Variants in RNF13 observed in about 807,000 individuals in gnomAD.
RNF13 encodes the protein E3 ubiquitin-protein ligase RNF13.
A neutral mutation model predicts 37.7 loss-of-function variants in RNF13; 19 were observed. The observed-to-expected ratio is 0.50, with a 90% CI of 0.35 to 0.74. The LOEUF (loss-of-function observed/expected upper bound fraction) is 0.74. RNF13 is among the 30% of genes least tolerant of loss of function. RNF13 has a pLI of 0.01. For missense variants in RNF13, 375 were observed against 453.0 expected, an observed-to-expected ratio of 0.83 and a Z score of 1.56; for synonymous variants, 144 against 157.8, an observed-to-expected ratio of 0.91 and a Z score of 0.65.
chr3:149,845,719 T>G (rs1722581749), intron 1 of RNF13: 1 of 196,654 alleles, frequency 5.1e-6, no homozygotes, highest in East Asian at 1.2e-4. Context: ...AAATTTGGGT[T>G]AGTAAGACAA....
intron 5 of RNF13, among the ~76,000 whole-genome samples, chr3:149,899,819 C>T (rs192128713): frequency 4.9e-4 from 75 of 152,262 alleles, no homozygotes; most frequent in African/African-American, 1.8e-3. Context: ...AGATGAGAAA[C>T]AGAGTTGATC....
intron 6 of RNF13, among the ~76,000 whole-genome samples, chr3:149,910,289 A>G (rs1716860495): frequency 6.6e-6 from 1 of 152,170 alleles, no homozygotes; most frequent in African/African-American, 2.4e-5. Context: ...TCTTTTTTAC[A>G]CTGATGATAT....
intron 8 of RNF13, among the ~76,000 whole-genome samples, chr3:149,958,308 T>G (rs1048023076): frequency 3.9e-5 from 6 of 152,168 alleles, no homozygotes; most frequent in Non-Finnish European, 7.3e-5. Flanking sequence ...AGAATCCATT[T>G]CCTTACCTTT....
chr3:149,835,632 ATT>A (rs1491185281), intron 1 of RNF13, among the ~76,000 whole-genome samples: 4 of 84,550 alleles, frequency 4.7e-5, no homozygotes, highest in Non-Finnish European at 1.0e-4. Flanking sequence ...GTAGTATTCC[ATT>A]GTGTGTGTGT....
intron 1 of RNF13, among the ~76,000 whole-genome samples, chr3:149,834,925 C>G (rs1402686130): frequency 6.6e-6 from 1 of 152,202 alleles, no homozygotes; most frequent in East Asian, 1.9e-4. Context: ...GCATTGTACA[C>G]AGTCTCTTCT....
At chr3:149,889,681 G>A (rs1190338319) in intron 4 of RNF13, among the ~76,000 whole-genome samples, 9 of 144,350 alleles carry the variant, frequency 6.2e-5, no homozygotes, top group African/African-American at 2.3e-4. Context: ...TTGAGATGGA[G>A]TCTCGCTCTG....
At chr3:149,871,029 T>TA (rs1397623385) in intron 3 of RNF13, among the ~76,000 whole-genome samples, 2 of 151,112 alleles carry the variant, frequency 1.3e-5, no homozygotes, top group Non-Finnish European at 3.0e-5. Context: ...TTTAGTCTGT[T>TA]ACCAGATTTT....
chr3:149,959,225 G>T (rs1014367973), intron 8 of RNF13, among the ~76,000 whole-genome samples: 1 of 152,132 alleles, frequency 6.6e-6, no homozygotes, highest in East Asian at 1.9e-4. Context: ...AAAAGCTGCT[G>T]TATTTAAAAA....
intron 4 of RNF13, among the ~76,000 whole-genome samples, chr3:149,874,020 A>G (rs867790022): frequency 2.0e-5 from 3 of 152,200 alleles, no homozygotes; most frequent in South Asian, 2.1e-4. Context: ...TACATATGAA[A>G]AACATGGAAG....
intron 8 of RNF13, among the ~76,000 whole-genome samples, chr3:149,928,985 G>A (rs1260693455): frequency 6.6e-6 from 1 of 152,030 alleles, no homozygotes; most frequent in African/African-American, 2.4e-5. Flanking sequence ...TTCATTGCTG[G>A]TGTGGAGAAA....
intron 1 of RNF13, among the ~76,000 whole-genome samples, chr3:149,836,169 G>C (rs1177221404): frequency 6.6e-6 from 1 of 152,066 alleles, no homozygotes; most frequent in African/African-American, 2.4e-5. Context: ...TATTTTGTTT[G>C]TTGGCTATTT....
Position 149,853,399 on chromosome 3 carries a change from T to A in RNF13, c.195+803T>A, listed in dbSNP as rs576555193. On this transcript the variant is annotated intron_variant, in intron 3 of 9. Coordinates refer to ENST00000392894, the MANE Select transcript of RNF13 (RefSeq NM_183381.3). ...TATCAAACTTTTGCTAATTTGATTT[T>A]AAAAAATCTAATGAACTTAAACATA... is the stretch of plus-strand genomic sequence containing the variant. Among the ~76,000 whole-genome samples the A allele has an allele frequency of 1.4e-4, 21 of 151,536 alleles. No individual in the cohort carries two copies. The East Asian group carries it at 4.1e-3, about 29-fold the overall frequency.
At chr3:149,893,550 T>C (rs1714938065) in intron 4 of RNF13, among the ~76,000 whole-genome samples, 1 of 152,238 alleles carries the variant, frequency 6.6e-6, no homozygotes, top group African/African-American at 2.4e-5. Context: ...GAGTATACTT[T>C]TGTTTAAATA....
intron 7 of RNF13, among the ~76,000 whole-genome samples, chr3:149,920,327 C>G (rs186053544): frequency 2.2e-4 from 34 of 152,216 alleles, no homozygotes; most frequent in African/African-American, 7.7e-4. Flanking sequence ...CCTTGACATC[C>G]TGGGCTCAAA....
At chr3:149,823,211 C>T (rs1720163947) in intron 1 of RNF13, among the ~76,000 whole-genome samples, 1 of 152,060 alleles carries the variant, frequency 6.6e-6, no homozygotes, top group African/African-American at 2.4e-5. Context: ...GTTTTAAGCA[C>T]TTTATGCTGT....
chr3:149,828,676 CTCTT>C (rs1720732196), intron 1 of RNF13, among the ~76,000 whole-genome samples: 1 of 152,166 alleles, frequency 6.6e-6, no homozygotes. Flanking sequence ...CTCTCTCTCT[CTCTT>C]TTTTTTTCTT....
rs1242561863 is a variant in RNF13 at position 149,829,336 on chromosome 3, G to GCAAT, written c.-17+15984_-17+15985insAATC. Reference sequence around the variant, plus strand: ...GCTGGTCTCGAACTCCTGACCTCGGGCGATCCTCCTGCCTCGGCCTCCCAA... The same window carrying GCAAT: ...GCTGGTCTCGAACTCCTGACCTCGGGCAATCGATCCTCCTGCCTCGGCCTCCCAA... On this transcript the variant is annotated intron_variant, in intron 1 of 9. Transcript: ENST00000392894. Among the ~76,000 whole-genome samples the GCAAT allele has an allele frequency of 2.6e-5, 4 of 152,144 alleles. 1 individual carries two copies. The highest frequency in any genetic ancestry group is 9.7e-5 in the African/African-American group (4 of 41,422).
At chr3:149,833,910 A>G (rs1488706016) in intron 1 of RNF13, among the ~76,000 whole-genome samples, 1 of 152,232 alleles carries the variant, frequency 6.6e-6, no homozygotes, top group Admixed American at 6.5e-5. Context: ...TTAATAATAA[A>G]TGAATTCAGC....
chr3:149,954,464 A>G (rs1363671030), intron 8 of RNF13, among the ~76,000 whole-genome samples: 1 of 152,212 alleles, frequency 6.6e-6, no homozygotes, highest in African/African-American at 2.4e-5. Context: ...AAACTATCAT[A>G]GTAATCAGCT....
Sources: gnomAD v4.1 joint callset for allele counts (sites outside exome capture counted in the v4.1 genomes callset) on GRCh38, gnomAD v4.1.1 for gene constraint, MANE v1.5 for transcripts, NCBI Gene and HGNC (gene_info 2026-07-23, HGNC 2026-07-21) for gene names.